STAB1: variants seen among roughly 807,000 people sequenced by gnomAD.
STAB1 encodes stabilin-1.
In STAB1, 250 loss-of-function variants were observed where a neutral mutation model predicts 332.4. The observed-to-expected ratio is 0.75, with a 90% CI of 0.68 to 0.84. The LOEUF (loss-of-function observed/expected upper bound fraction) is 0.84. STAB1 is among the 40% of genes least tolerant of loss of function. STAB1 has a pLI of 0.00. For missense variants in STAB1, 3,249 were observed against 3,489.7 expected, an observed-to-expected ratio of 0.93 and a Z score of 1.74; for synonymous variants, 1,475 against 1,390.4, an observed-to-expected ratio of 1.06 and a Z score of -1.35.
chr3:52,508,645 A>T, intron 21 of STAB1: 3 of 389,726 alleles, frequency 7.7e-6, no homozygotes, highest in South Asian at 6.4e-5. Flanking sequence ...AACATGGCAA[A>T]ACCCTGTCTG....
rs373211349 is a variant in STAB1, at chr3:52,502,133, C to T, written c.418-26C>T. The T allele has an allele frequency of 1.0e-4, 165 of 1,613,574 alleles. No homozygotes were observed. The East Asian group carries it at 1.6e-3, about 16-fold the overall frequency. On this transcript the variant is annotated intron_variant, in intron 4 of 68. Transcript: ENST00000321725. ...GTGGGGTGGAGGCTCAGAGGGGCCA[C>T]GCTGACTTGGTGCATCCACCACCAG...
At chr3:52,519,813 C>G (rs1355630508) in intron 50 of STAB1, 131 bp from the exon 51 acceptor site, 1 of 1,269,258 alleles carries the variant, frequency 7.9e-7, no homozygotes, top group Admixed American at 2.5e-5. Flanking sequence ...ACACACATGC[C>G]TGCCTGGGAT....
chr3:52,506,891 CCT>C, intron 18 of STAB1, 41 bp downstream of exon 18: 1 of 1,601,540 alleles, frequency 6.2e-7, no homozygotes, highest in Non-Finnish European at 8.5e-7. Context: ...CTCACTAACC[CCT>C]GTCAGCGCTG....
chr3:52,518,901 T>TTCCCCCCCCCCCCCCCCCCCCCCCCCCCC, intron 48 of STAB1, 32 bp downstream of exon 48: 1 of 1,017,596 alleles, frequency 9.8e-7, no homozygotes, highest in Non-Finnish European at 1.3e-6. Context: ...CCCCGCTCCA[T>TTCCCCCCCCCCCCCCCCCCCCCCCCCCCC]CCCGCCCCGC....
rs768648667 is a variant in STAB1, at chr3:52,516,189, G to C, written c.4095G>C (p.Thr1365=). 6.2e-7 allele frequency: 1 copy of C among 1,612,448 alleles called. No homozygotes were observed. The highest frequency in any genetic ancestry group is 8.5e-7 in the Non-Finnish European group (1 of 1,179,880). ...ECHCHEGFHG[T]ACEVCELGRY... ...ACTGCCACGAGGGCTTCCATGGAAC[G>C]GCCTGTGAGGTGTGTGAGCTGGGCC... The change falls in exon 38 of 69, where the codon ACG becomes ACC. Residue 1365 remains threonine, a synonymous_variant. Coordinates refer to ENST00000321725, the MANE Select transcript of STAB1 (RefSeq NM_015136.3).
At chr3:52,513,660 CA>C (rs1709454563) in intron 30 of STAB1, 56 bp from the exon 31 acceptor site, 8 of 1,554,956 alleles carry the variant, frequency 5.1e-6, no homozygotes, top group Non-Finnish European at 6.1e-6. Flanking sequence ...GGGGCTGCCC[CA>C]CCTTTAAGGG....
At position 52,522,416 on chromosome 3, in the gene STAB1, C is replaced by T. The variant is rs762283662; in HGVS notation, c.6552C>T (p.Cys2184=). The change falls in exon 60 of 69, where the codon TGC becomes TGT. Residue 2184 remains cysteine, a synonymous_variant. Transcript: ENST00000321725. The part of the protein sequence containing the change: ...LEESEPPVDR[C]LGQPPPCHSD... ...AGTCGGAACCACCTGTGGACCGCTG[C>T]TTGGGCCAGCCACCGCCCTGCCACT... 65 of 1,612,866 alleles carry T rather than the reference C, an allele frequency of 4.0e-5. No individual in the cohort carries two copies. The highest frequency in any genetic ancestry group is 5.4e-5 in the Non-Finnish European group (64 of 1,180,038).
Position 52,504,814 on chromosome 3 carries a change from C to A in STAB1, c.1315C>A (p.Gln439Lys). ...QHILEDTRTQQTRRWWTLAGQ... is the reference protein window; with the variant it reads ...QHILEDTRTQKTRRWWTLAGQ... Reference sequence around the variant, plus strand: ...CATCCTGGAGGACACAAGGACCCAACAAACACGAAGGTGGTGGACGCTGGC... The same window carrying A: ...CATCCTGGAGGACACAAGGACCCAAAAAACACGAAGGTGGTGGACGCTGGC... The change falls in exon 12 of 69, where the codon CAA becomes AAA. Residue 439 changes from glutamine (Q) to lysine (K), a missense_variant. Transcript: ENST00000321725. The A allele has an allele frequency of 6.2e-7, 1 of 1,613,854 alleles. No individual in the cohort carries two copies. The highest frequency in any genetic ancestry group is 1.3e-5 in the African/African-American group (1 of 75,034).
In STAB1 at chr3:52,507,924, A is replaced by T. The variant is rs1559686143; in HGVS notation, c.2053-7A>T. On this transcript the variant is annotated splice_polypyrimidine_tract_variant and splice_region_variant and intron_variant, in intron 19 of 68. Coordinates refer to ENST00000321725, the MANE Select transcript of STAB1 (RefSeq NM_015136.3). ...CCCACTGACTGGCTTTGCATGGCCC[A>T]CCCTAGGACATCTTCCCCAAGGAGT... 1.2e-6 allele frequency: 2 copies of T among 1,612,218 alleles called. No individual in the cohort carries two copies. Among genetic ancestry groups the T allele is most frequent in the Non-Finnish European group, 8.5e-7 (1 of 1,179,220 alleles).
intron 24 of STAB1, 44 bp from the exon 25 acceptor site, chr3:52,510,305 C>T (rs955338312): frequency 1.2e-6 from 2 of 1,613,850 alleles, no homozygotes; most frequent in South Asian, 1.1e-5. Context: ...GGCCCTCTGC[C>T]TACGTTCTTG....
Position 52,523,745 on chromosome 3 carries a change from C to A in STAB1, c.7384C>A (p.Pro2462Thr), listed in dbSNP as rs759641866. 1.9e-6 allele frequency: 3 copies of A among 1,598,092 alleles called. No homozygotes were observed. Among genetic ancestry groups the A allele is most frequent in the Non-Finnish European group, 2.6e-6 (3 of 1,167,924 alleles). ...IHALASPLLA[P>T]PQPQAVLAPE... ...TGCTCTGGCCAGCCCCCTCCTGGCA[C>A]CCCCACAGCCCGTGAGTTGAGGAAG... The change falls in exon 66 of 69, where the codon CCC becomes ACC. Residue 2462 changes from proline to threonine, a missense_variant. Coordinates refer to ENST00000321725, the MANE Select transcript of STAB1 (RefSeq NM_015136.3).
chr3:52,519,161 T>A, intron 48 of STAB1, 103 bp from the exon 49 acceptor site: 1 of 1,415,726 alleles, frequency 7.1e-7, no homozygotes, highest in East Asian at 2.5e-5. Flanking sequence ...CGGGACTGCC[T>A]GCACCCTGAC....
chr3:52,512,388 C>G lies in STAB1; in HGVS notation c.2931C>G (p.Pro977=). ...VGGGQRVCTC[P]PGFGGDGFSC... is the part of the protein sequence containing the mutation. ...GAGGTCAGCGGGTCTGCACGTGCCC[C>G]CCTGGCTTTGGGGGTGATGGCTTCA... is the stretch of plus-strand genomic sequence containing the variant. The change falls in exon 27 of 69, where the codon CCC becomes CCG. Residue 977 remains proline (P), a synonymous_variant. Coordinates refer to ENST00000321725, the MANE Select transcript of STAB1 (RefSeq NM_015136.3). The G allele has an allele frequency of 6.2e-7, 1 of 1,610,940 alleles. No homozygotes were observed.
chr3:52,512,082 G>A (rs904681225), intron 26 of STAB1, among the ~76,000 whole-genome samples: 3 of 152,250 alleles, frequency 2.0e-5, no homozygotes, highest in Non-Finnish European at 4.4e-5. Flanking sequence ...GGCTCCTGGG[G>A]ATACGGGCCT....
At chr3:52,506,968 C>T in intron 18 of STAB1, 118 bp downstream of exon 18, 2 of 1,422,302 alleles carry the variant, frequency 1.4e-6, no homozygotes, top group Admixed American at 2.2e-5. Context: ...GGCTCTGAGG[C>T]CCTGCTGGCA....
In STAB1 at chr3:52,521,685, T is replaced by A. The variant is rs376980396; in HGVS notation, c.6148T>A (p.Cys2050Ser). 6 of 1,612,890 alleles carry A rather than the reference T, an allele frequency of 3.7e-6. No individual in the cohort carries two copies. The highest frequency in any genetic ancestry group is 5.1e-6 in the Non-Finnish European group (6 of 1,179,864). ...TGATGAAGGCTGGACTGGGCCACGC[T>A]GTGAGGTGCAACTGGGTGAGTAGCC... ...FCDEGWTGPR[C>S]EVQLELQPVC... is the part of the protein sequence containing the mutation. Residue 2050 changes from cysteine to serine, a missense_variant, in exon 57 of 69, where the codon TGT (cysteine) becomes AGT (serine). Physicochemically the swap from Cys to Ser is moderately radical, Grantham distance 112. Transcript: ENST00000321725.
In STAB1 at chr3:52,516,177, C is replaced by T; in HGVS notation, c.4083C>T (p.Gly1361=). The change falls in exon 38 of 69, where the codon GGC becomes GGT. Residue 1361 remains glycine, a synonymous_variant. Coordinates refer to ENST00000321725, the MANE Select transcript of STAB1 (RefSeq NM_015136.3). ...LGSGECHCHE[G]FHGTACEVCE... The stretch of plus-strand genomic sequence containing the variant: ...GCGGGGAGTGCCACTGCCACGAGGG[C>T]TTCCATGGAACGGCCTGTGAGGTGT... The T allele has an allele frequency of 1.9e-6, 3 of 1,612,532 alleles. No individual in the cohort carries two copies. Among genetic ancestry groups the T allele is most frequent in the Non-Finnish European group, 2.5e-6 (3 of 1,179,874 alleles).
chr3:52,504,948 C>G (rs906523025), intron 12 of STAB1, 55 bp from the exon 13 acceptor site: 10 of 1,612,560 alleles, frequency 6.2e-6, no homozygotes, highest in Admixed American at 1.7e-5. Context: ...GGGAGGGAGC[C>G]TCCGGACAGG....
At chr3:52,503,304 G>A (rs776203971) in intron 7 of STAB1, 40 bp from the exon 8 acceptor site, 2 of 1,572,950 alleles carry the variant, frequency 1.3e-6, no homozygotes, top group Non-Finnish European at 1.7e-6. Context: ...CAGGGCTCCT[G>A]GGTGCTTGGC....
Sources: gnomAD v4.1 joint callset for allele counts (sites outside exome capture counted in the v4.1 genomes callset) on GRCh38, gnomAD v4.1.1 for gene constraint, MANE v1.5 for transcripts, NCBI Gene and HGNC (gene_info 2026-07-23, HGNC 2026-07-21) for gene names.